Variants in CPNE8 observed in about 807,000 individuals in gnomAD.
The protein encoded by CPNE8 is copine-8.
A neutral mutation model predicts 81.5 loss-of-function variants in CPNE8; 45 were observed. The ratio of observed to expected loss-of-function variants is 0.55; its 90% CI spans 0.44 to 0.71. CPNE8 has a LOEUF of 0.71. CPNE8 is among the 30% of genes least tolerant of loss of function. CPNE8 has a pLI of 0.00. For missense variants in CPNE8, 594 were observed against 672.1 expected, an observed-to-expected ratio of 0.88 and a Z score of 1.28; for synonymous variants, 252 against 226.3, an observed-to-expected ratio of 1.11 and a Z score of -1.02.
rs11336431 is a variant in CPNE8, at chr12:38,881,209, CAA to C, written c.99-6700_99-6699del. ...TGGCGGACACAGCGAGATTCCGTCT[CAA>C]AAAAAAAAAAAAAAGAAATATTTTA... On this transcript the variant is annotated intron_variant, in intron 1 of 19. Transcript: ENST00000331366. 2.7e-3 allele frequency among the ~76,000 whole-genome samples: 344 copies of C among 126,454 alleles called. 1 individual carries two copies. The highest frequency in any genetic ancestry group is 8.5e-3 in the South Asian group (33 of 3,862). 83.0% of individuals were successfully genotyped at this position (126,454 alleles called of 152,430 possible).
chr12:38,823,468 T>C (rs1943138734), intron 6 of CPNE8, among the ~76,000 whole-genome samples: 1 of 152,156 alleles, frequency 6.6e-6, no homozygotes, highest in South Asian at 2.1e-4. Context: ...ACTGCCTAGA[T>C]CACAAAGTGC....
At chr12:38,735,307 G>A (rs1940928022) in intron 10 of CPNE8, among the ~76,000 whole-genome samples, 1 of 151,990 alleles carries the variant, frequency 6.6e-6, no homozygotes, top group African/African-American at 2.4e-5. Context: ...CTAATTAAAC[G>A]CATGGGTTGC....
intron 3 of CPNE8, among the ~76,000 whole-genome samples, chr12:38,850,145 G>A (rs1943623276): frequency 6.6e-6 from 1 of 152,146 alleles, no homozygotes; most frequent in African/African-American, 2.4e-5. Context: ...GCAGAGGTCA[G>A]TAAGTTCAAG....
intron 13 of CPNE8, among the ~76,000 whole-genome samples, chr12:38,708,290 A>G (rs910198681): frequency 1.3e-5 from 2 of 152,134 alleles, no homozygotes; most frequent in Admixed American, 1.3e-4. Context: ...ACAACATTTC[A>G]ATCAGTAACG....
At chr12:38,756,545 A>G (rs1280410483) in intron 10 of CPNE8, among the ~76,000 whole-genome samples, 1 of 152,028 alleles carries the variant, frequency 6.6e-6, no homozygotes, top group Non-Finnish European at 1.5e-5. Flanking sequence ...TCATAGAGAC[A>G]GGGTCTTGTT....
At chr12:38,765,977 G>A (rs749487955) in intron 8 of CPNE8, among the ~76,000 whole-genome samples, 24 of 151,848 alleles carry the variant, frequency 1.6e-4, no homozygotes, top group Non-Finnish European at 2.9e-4. Context: ...TCCTGCCTCA[G>A]CCTCCCAAGT....
At chr12:38,844,047 C>T (rs953186409) in intron 4 of CPNE8, among the ~76,000 whole-genome samples, 2 of 152,170 alleles carry the variant, frequency 1.3e-5, no homozygotes, top group Non-Finnish European at 2.9e-5. Flanking sequence ...CCACAGTTGA[C>T]ATGGTGTTGG....
chr12:38,771,466 T>A (rs1484573028), intron 7 of CPNE8, among the ~76,000 whole-genome samples: 2 of 149,592 alleles, frequency 1.3e-5, no homozygotes, highest in Non-Finnish European at 3.0e-5. Flanking sequence ...ACCCCGTATT[T>A]AAAAAAAAAA....
At chr12:38,849,400 G>A (rs1197572552) in intron 3 of CPNE8, among the ~76,000 whole-genome samples, 1 of 150,714 alleles carries the variant, frequency 6.6e-6, no homozygotes, top group Non-Finnish European at 1.5e-5. Context: ...TCTATCCTTG[G>A]CTTACATTCT....
At chr12:38,715,462 C>A (rs764879271) in intron 13 of CPNE8, among the ~76,000 whole-genome samples, 1 of 151,904 alleles carries the variant, frequency 6.6e-6, no homozygotes, top group Non-Finnish European at 1.5e-5. Flanking sequence ...GATAATTAGG[C>A]CCCTAAATTG....
rs113571742 is a variant in CPNE8, at chr12:38,764,419, C to T, written c.576-2203G>A. Among the ~76,000 whole-genome samples the T allele has an allele frequency of 7.1e-3, 1,078 of 151,414 alleles. 11 individuals carry two copies. The highest frequency in any genetic ancestry group is 0.025 in the African/African-American group (1,051 of 41,286). ...GATCACGAGGTCAGGAGATCGAGAC[C>T]ATCCCGGCTAAAACGGTGAAACCCC... On this transcript the variant is annotated intron_variant, in intron 8 of 19. Transcript: ENST00000331366.
At chr12:38,815,850 A>G (rs1523121) in intron 6 of CPNE8, among the ~76,000 whole-genome samples, 37,259 of 152,176 alleles carry the variant, frequency 0.24, 5,750 homozygotes, top group Admixed American at 0.34. Context: ...TATGTAATAC[A>G]TAGATTTTTC....
intron 13 of CPNE8, among the ~76,000 whole-genome samples, chr12:38,706,877 C>A (rs1940120081): frequency 1.3e-5 from 2 of 152,208 alleles, no homozygotes; most frequent in Admixed American, 1.3e-4. Context: ...TAACCGTCAG[C>A]TTCCTAGAAG....
At chr12:38,863,829 G>A (rs971999652) in intron 3 of CPNE8, among the ~76,000 whole-genome samples, 2 of 152,060 alleles carry the variant, frequency 1.3e-5, no homozygotes, top group Non-Finnish European at 2.9e-5. Flanking sequence ...GAGGCGGGCG[G>A]ATCACAAGGT....
intron 10 of CPNE8, among the ~76,000 whole-genome samples, chr12:38,741,743 G>A (rs1192272762): frequency 3.3e-5 from 5 of 152,086 alleles, no homozygotes; most frequent in Non-Finnish European, 5.9e-5. Flanking sequence ...GCAACCTACA[G>A]AATGGGAGAA....
Position 38,693,646 on chromosome 12 carries a change from C to T in CPNE8, c.1143+11G>A, listed in dbSNP as rs745635574. 2 of 1,599,554 alleles carry T rather than the reference C, an allele frequency of 1.3e-6. No individual in the cohort carries two copies. The highest frequency in any genetic ancestry group is 1.7e-6 in the Non-Finnish European group (2 of 1,173,464). ...TTTTCAAAACATCAAATCCTTTTGACAAATTCTTACCAAAGCAAATTCGTG... is the reference window on the plus strand; with the variant it reads ...TTTTCAAAACATCAAATCCTTTTGATAAATTCTTACCAAAGCAAATTCGTG... On this transcript the variant is annotated intron_variant, in intron 15 of 19. Coordinates refer to ENST00000331366, the MANE Select transcript of CPNE8 (RefSeq NM_153634.3).
intron 7 of CPNE8, among the ~76,000 whole-genome samples, chr12:38,775,930 T>A (rs1941923900): frequency 6.6e-6 from 1 of 152,204 alleles, no homozygotes. Flanking sequence ...AAGTTTGCAG[T>A]AATTGAACTG....
intron 5 of CPNE8, among the ~76,000 whole-genome samples, chr12:38,837,740 G>T (rs1439463693): frequency 6.6e-6 from 1 of 152,010 alleles, no homozygotes; most frequent in Non-Finnish European, 1.5e-5. Context: ...GGTAAAGAGT[G>T]AAGAGAAGAC....
intron 4 of CPNE8, among the ~76,000 whole-genome samples, chr12:38,840,517 G>A (rs946388609): frequency 7.2e-5 from 11 of 152,010 alleles, no homozygotes; most frequent in Admixed American, 3.3e-4. Context: ...ACAACTTCAC[G>A]TGAATGAATC....
Sources: gnomAD v4.1 joint callset for allele counts (sites outside exome capture counted in the v4.1 genomes callset) on GRCh38, gnomAD v4.1.1 for gene constraint, MANE v1.5 for transcripts, NCBI Gene and HGNC (gene_info 2026-07-23, HGNC 2026-07-21) for gene names.